WNT8B: variants seen among roughly 807,000 people sequenced by gnomAD.
WNT8B encodes protein Wnt-8b.
A neutral mutation model predicts 36.6 loss-of-function variants in WNT8B; 24 were observed. The ratio of observed to expected loss-of-function variants is 0.66; its 90% CI spans 0.48 to 0.92. The LOEUF is 0.92. WNT8B is among the 40% of genes least tolerant of loss of function. The probability of loss-of-function intolerance (pLI) is 0.00; values close to 1 mark genes in which losing one functional copy is unlikely to be tolerated. For synonymous variants in WNT8B, 199 were observed against 189.8 expected (o/e 1.05, Z -0.40); for missense variants, 402 against 470.8 (o/e 0.85, Z 1.35).
intron 1 of WNT8B, among the ~76,000 whole-genome samples, chr10:100,466,073 G>A (rs1850904677): frequency 6.6e-6 from 1 of 151,752 alleles, no homozygotes; most frequent in Admixed American, 6.6e-5. Context: ...CCCACTAACA[G>A]ATTAAAAAAA....
At chr10:100,476,135 C>CA (rs1255470091) in intron 1 of WNT8B, among the ~76,000 whole-genome samples, 5,007 of 126,578 alleles carry the variant, frequency 0.04, 176 homozygotes, top group African/African-American at 0.1. Flanking sequence ...ACTAAAAATA[C>CA]AAAAAAAAAA....
In WNT8B at chr10:100,481,118, A is replaced by T; in HGVS notation, c.362A>T (p.Gln121Leu). ...GGCTGTGATGACTCCCGCAACGGGCAACTGGGTGAGTAGTAATGTAGGGAT... is the reference window on the plus strand; with the variant it reads ...GGCTGTGATGACTCCCGCAACGGGCTACTGGGTGAGTAGTAATGTAGGGAT... ...NCGCDDSRNG[Q>L]LGGQGWLWGG... The change falls in exon 4 of 6, where the codon CAA becomes CTA. Residue 121 changes from glutamine to leucine, a missense_variant. By Grantham distance (113) the Gln-to-Leu change is moderately radical. Around this residue, in one of 3 missense-constraint regions of WNT8B, gnomAD observed 131 missense variants for 152.6 expected, o/e 0.86. Coordinates refer to ENST00000343737, the MANE Select transcript of WNT8B (RefSeq NM_003393.4). 1 of 1,614,092 alleles carries T rather than the reference A, an allele frequency of 6.2e-7. No homozygotes were observed. Among genetic ancestry groups the T allele is most frequent in the Non-Finnish European group, 8.5e-7 (1 of 1,179,988 alleles).
chr10:100,483,029 C>T lies in WNT8B; in HGVS notation c.*213C>T, dbSNP rs1851139876. 1 of 525,970 alleles carries T rather than the reference C, an allele frequency of 1.9e-6. No homozygotes were observed. Among genetic ancestry groups the T allele is most frequent in the African/African-American group, 2.0e-5 (1 of 49,908 alleles). 32.6% of individuals were successfully genotyped at this position (525,970 alleles called of 1,614,324 possible). On this transcript the variant is annotated 3_prime_UTR_variant, in exon 6 of 6. Coordinates refer to ENST00000343737, the MANE Select transcript of WNT8B (RefSeq NM_003393.4). Reference sequence around the variant, plus strand: ...AGCTCTGTCTGAATCCTCGCAGCCACACCTAGGTCTGAGAACTCAGGCTTT... The same window carrying T: ...AGCTCTGTCTGAATCCTCGCAGCCATACCTAGGTCTGAGAACTCAGGCTTT...
intron 1 of WNT8B, among the ~76,000 whole-genome samples, chr10:100,468,021 T>C (rs1589722614): frequency 6.6e-6 from 1 of 152,338 alleles, no homozygotes; most frequent in East Asian, 1.9e-4. Flanking sequence ...TGGGGAACAT[T>C]GTACATTTCT....
intron 1 of WNT8B, among the ~76,000 whole-genome samples, chr10:100,467,322 T>G (rs896027046): frequency 1.3e-5 from 2 of 152,158 alleles, no homozygotes; most frequent in African/African-American, 4.8e-5. Context: ...CAAACTCGCT[T>G]TTTAAAAATA....
chr10:100,476,187 T>C (rs1851036352), intron 1 of WNT8B, among the ~76,000 whole-genome samples: 2 of 151,904 alleles, frequency 1.3e-5, no homozygotes, highest in African/African-American at 4.8e-5. Context: ...CAGGTGCCTG[T>C]AGTCCCAGCT....
At chr10:100,474,993 C>G (rs1851021467) in intron 1 of WNT8B, among the ~76,000 whole-genome samples, 1 of 152,128 alleles carries the variant, frequency 6.6e-6, no homozygotes, top group Admixed American at 6.5e-5. Context: ...GTAATCCCAG[C>G]ACTTTGGGAT....
intron 2 of WNT8B, 35 bp from the exon 3 acceptor site, chr10:100,479,839 G>A (rs777167970): frequency 1.7e-5 from 27 of 1,610,962 alleles, no homozygotes; most frequent in South Asian, 1.7e-4. Flanking sequence ...TGCCTCCTAA[G>A]TTCAGTCTGA....
rs1228733722 is a variant in WNT8B, at chr10:100,482,828, GC to G, written c.*17del. 1.3e-6 allele frequency: 2 copies of G among 1,497,922 alleles called. No homozygotes were observed. Among genetic ancestry groups the G allele is most frequent in the Non-Finnish European group, 1.8e-6 (2 of 1,122,498 alleles). The allele number at this position is 1,497,922 out of a possible 1,614,324, so 92.8% of individuals were successfully genotyped here. ...GGAGAAAACCCTAAGGGTTTCCTCT[GC>G]CCCCTCCTTTTCCCACTGGTTCTTG... On this transcript the variant is annotated 3_prime_UTR_variant, in exon 6 of 6. Coordinates refer to ENST00000343737, the MANE Select transcript of WNT8B (RefSeq NM_003393.4). The surrounding 1 kb of genome is among the most constrained non-coding windows in gnomAD (Gnocchi z 6.6).
chr10:100,478,182 CTGTT>C (rs1376853812), intron 1 of WNT8B, among the ~76,000 whole-genome samples: 1 of 152,160 alleles, frequency 6.6e-6, no homozygotes, highest in African/African-American at 2.4e-5. Context: ...AGATATTCCA[CTGTT>C]TGTTTACCTC....
chr10:100,479,136 T>C (rs748254842), intron 2 of WNT8B, 51 bp downstream of exon 2: 1 of 1,502,190 alleles, frequency 6.7e-7, no homozygotes, highest in Non-Finnish European at 9.0e-7. Context: ...CTTAGCCTGT[T>C]GACTAAAGAT....
intron 1 of WNT8B, among the ~76,000 whole-genome samples, chr10:100,471,399 C>T (rs187826679): frequency 9.2e-5 from 14 of 152,318 alleles, no homozygotes; most frequent in African/African-American, 3.4e-4. Flanking sequence ...CAGGGGATGT[C>T]GTGCTACCCA....
At chr10:100,481,180 A>G (rs960357262) in intron 4 of WNT8B, 57 bp downstream of exon 4, 78 of 1,598,502 alleles carry the variant, frequency 4.9e-5, no homozygotes, top group Admixed American at 3.3e-4. Flanking sequence ...TAAAGAATGA[A>G]AAGCCTGGTG....
chr10:100,464,442 C>G (rs996059154), intron 1 of WNT8B, among the ~76,000 whole-genome samples: 2 of 152,170 alleles, frequency 1.3e-5, no homozygotes, highest in African/African-American at 4.8e-5. Context: ...AGCATTTCTA[C>G]TGATGTTCAT....
In WNT8B at chr10:100,463,086, G is replaced by A; in HGVS notation, c.-83G>A. 5 of 1,296,516 alleles carry A rather than the reference G, an allele frequency of 3.9e-6. No individual in the cohort carries two copies. The highest frequency in any genetic ancestry group is 5.5e-6 in the Non-Finnish European group (5 of 903,290). The allele number at this position is 1,296,516 out of a possible 1,614,324, so 80.3% of individuals were successfully genotyped here. On this transcript the variant is annotated 5_prime_UTR_variant, in exon 1 of 6. Coordinates refer to ENST00000343737, the MANE Select transcript of WNT8B (RefSeq NM_003393.4). ...TGGGCTTTGAGAATTCCATCCCACT[G>A]GCACTGAGGAGAATATTTCTCCGTC...
At chr10:100,481,820 A>T in intron 4 of WNT8B, 92 bp from the exon 5 acceptor site, 1 of 1,519,388 alleles carries the variant, frequency 6.6e-7, no homozygotes, top group Middle Eastern at 2.3e-4. Context: ...CCTATCCTGG[A>T]CCCCCCCACC....
At chr10:100,479,658 A>C (rs867128150) in intron 2 of WNT8B, among the ~76,000 whole-genome samples, 2 of 152,090 alleles carry the variant, frequency 1.3e-5, no homozygotes, top group African/African-American at 4.8e-5. Flanking sequence ...ACTTTGGGGA[A>C]ATTACTTTAG....
intron 1 of WNT8B, among the ~76,000 whole-genome samples, chr10:100,467,067 C>T (rs984021157): frequency 2.0e-5 from 3 of 151,924 alleles, no homozygotes; most frequent in Non-Finnish European, 4.4e-5. Flanking sequence ...TTCCCCATTG[C>T]CTCCCACTTG....
Position 100,482,444 on chromosome 10 carries a change from G to C in WNT8B, c.684G>C (p.Ala228=), listed in dbSNP as rs375278249. ...TGCTGCAGGGTGCTGGCAACAGCGC[G>C]GCCGGCCGCGGCGCCATCGCCGACA... ...VDLLQGAGNS[A]AGRGAIADTF... The change falls in exon 6 of 6, where the codon GCG becomes GCC. Residue 228 remains alanine (A), a synonymous_variant. Coordinates refer to ENST00000343737, the MANE Select transcript of WNT8B (RefSeq NM_003393.4). This position sits in a 1 kb window ranked among gnomAD's most constrained non-coding sequence, Gnocchi z 6.6. 2 of 1,605,142 alleles carry C rather than the reference G, an allele frequency of 1.2e-6. No individual in the cohort carries two copies. The highest frequency in any genetic ancestry group is 2.7e-5 in the African/African-American group (2 of 74,934).
Sources: gnomAD v4.1 joint callset for allele counts (sites outside exome capture counted in the v4.1 genomes callset) on GRCh38, gnomAD v4.1.1 for gene constraint, gnomAD v4.1.1 regional missense constraint, Gnocchi (gnomAD v3.1) non-coding constraint, MANE v1.5 for transcripts, NCBI Gene and HGNC (gene_info 2026-07-23, HGNC 2026-07-21) for gene names.